DCAF6: variants seen among roughly 807,000 people sequenced by gnomAD.
DCAF6 encodes DDB1 and CUL4 associated factor 6, also known as DDB1- and CUL4-associated factor 6.
In DCAF6, 54 loss-of-function variants were observed where a neutral mutation model predicts 125.1. The observed-to-expected ratio is 0.43, with a 90% confidence interval of 0.35 to 0.54. DCAF6 has a LOEUF of 0.54. DCAF6 is among the 20% of genes least tolerant of loss of function. The probability of loss-of-function intolerance (pLI) is 0.01; values close to 1 mark genes in which losing one functional copy is unlikely to be tolerated. For missense variants in DCAF6, 934 were observed against 1,161.7 expected, an observed-to-expected ratio of 0.80 and a Z score of 2.85; for synonymous variants, 371 against 390.4, an observed-to-expected ratio of 0.95 and a Z score of 0.58.
chr1:167,868,288 G>T, the DCAF6 span, among the ~76,000 whole-genome samples: 2 of 152,134 alleles, frequency 1.3e-5, no homozygotes, highest in Non-Finnish European at 2.9e-5. Context: ...AGTGCCTACA[G>T]ACCCAGTTCC....
the DCAF6 span, among the ~76,000 whole-genome samples, chr1:167,886,031 C>A: frequency 2.2e-4 from 33 of 152,244 alleles, no homozygotes; most frequent in African/African-American, 7.2e-4. Flanking sequence ...CAAACCACTG[C>A]TCAACGAAGT....
chr1:168,043,372 T>C (rs1325076603), intron 14 of DCAF6, among the ~76,000 whole-genome samples: 52 of 152,120 alleles, frequency 3.4e-4, no homozygotes, highest in Admixed American at 3.4e-3. Context: ...GTGGCCAGGA[T>C]AGTTGTTCAT....
chr1:167,911,317 C>T, the DCAF6 span, among the ~76,000 whole-genome samples: 1 of 152,228 alleles, frequency 6.6e-6, no homozygotes, highest in East Asian at 1.9e-4. Context: ...CCTGTGCTAA[C>T]ATTCTTAAAT....
intron 1 of DCAF6, among the ~76,000 whole-genome samples, chr1:167,945,722 G>T (rs1210362910): frequency 6.6e-6 from 1 of 151,424 alleles, no homozygotes; most frequent in African/African-American, 2.4e-5. Flanking sequence ...GGATGGTCTC[G>T]ATCTCTTGAC....
Position 167,964,423 on chromosome 1 carries a change from T to C in DCAF6, c.160-2206T>C, listed in dbSNP as rs143749667. Among the ~76,000 whole-genome samples, 585 of 152,352 alleles carry C rather than the reference T, an allele frequency of 3.8e-3. 3 individuals are homozygous for C. The highest frequency in any genetic ancestry group is 0.013 in the African/African-American group (548 of 41,584). Reference sequence around the variant, plus strand: ...GAGGAGATGTTGGATGTAATTCTTATCTTTGCTCCTCTATAGATAATGTTT... The same window carrying C: ...GAGGAGATGTTGGATGTAATTCTTACCTTTGCTCCTCTATAGATAATGTTT... On this transcript the variant is annotated intron_variant, in intron 2 of 21. Coordinates refer to ENST00000367840, the MANE Select transcript of DCAF6 (RefSeq NM_001198956.2).
At chr1:168,034,249 C>T (rs1178208057) in intron 12 of DCAF6, among the ~76,000 whole-genome samples, 6 of 152,062 alleles carry the variant, frequency 3.9e-5, no homozygotes, top group African/African-American at 1.4e-4. Flanking sequence ...GCACAGTGGC[C>T]CATACCTGTA....
chr1:167,880,353 C>T, the DCAF6 span: 58 of 954,376 alleles, frequency 6.1e-5, no homozygotes, highest in Non-Finnish European at 8.1e-5. Flanking sequence ...CCCGGAGATG[C>T]GAAGGAGGAA....
At chr1:167,992,758 A>T (rs1214537611) in intron 6 of DCAF6, among the ~76,000 whole-genome samples, 1 of 152,246 alleles carries the variant, frequency 6.6e-6, no homozygotes, top group Non-Finnish European at 1.5e-5. Flanking sequence ...TCTGTACTAT[A>T]TAACAGGCAA....
intron 12 of DCAF6, among the ~76,000 whole-genome samples, chr1:168,033,955 A>G (rs1237614556): frequency 6.6e-6 from 1 of 152,252 alleles, no homozygotes; most frequent in Non-Finnish European, 1.5e-5. Flanking sequence ...TAATGTTTTT[A>G]GAGGAAGAAA....
chr1:168,060,391 G>T (rs1691441574), intron 17 of DCAF6, among the ~76,000 whole-genome samples: 1 of 151,986 alleles, frequency 6.6e-6, no homozygotes, highest in Admixed American at 6.6e-5. Context: ...TTACTGTGTT[G>T]CCCAGGCTGG....
chr1:167,999,202 T>G (rs1040809922), intron 7 of DCAF6, among the ~76,000 whole-genome samples: 1 of 152,206 alleles, frequency 6.6e-6, no homozygotes, highest in Non-Finnish European at 1.5e-5. Flanking sequence ...AATCTTTTTT[T>G]CTGAGCAGTA....
At chr1:168,073,243 G>A (rs1372482850) in intron 21 of DCAF6, among the ~76,000 whole-genome samples, 1 of 152,146 alleles carries the variant, frequency 6.6e-6, no homozygotes, top group Non-Finnish European at 1.5e-5. Flanking sequence ...TTTTATTTAA[G>A]AGAACACACT....
At chr1:168,056,369 C>A (rs1690810871) in intron 17 of DCAF6, 4 of 1,538,448 alleles carry the variant, frequency 2.6e-6, no homozygotes, top group Non-Finnish European at 3.5e-6. Context: ...GTGACGGGAC[C>A]GCGCGCAGGG....
chr1:168,054,977 C>T (rs1052214516), intron 17 of DCAF6, among the ~76,000 whole-genome samples: 5 of 151,902 alleles, frequency 3.3e-5, no homozygotes, highest in Non-Finnish European at 7.4e-5. Context: ...CCACCATGCC[C>T]GGCTAGTTTT....
At chr1:167,936,619 T>TCGCCTC (rs1331845422), upstream of DCAF6, 16 of 362,788 alleles carry the variant, frequency 4.4e-5, no homozygotes, top group Admixed American at 3.8e-4. Context: ...GGAGTCGCCA[T>TCGCCTC]CGCCTCCGCC....
intron 3 of DCAF6, among the ~76,000 whole-genome samples, chr1:167,970,658 G>A (rs761602453): frequency 6.6e-6 from 1 of 152,040 alleles, no homozygotes; most frequent in Non-Finnish European, 1.5e-5. Context: ...AGCCTTTATA[G>A]GGCTTTTTAA....
intron 3 of DCAF6, among the ~76,000 whole-genome samples, chr1:167,974,191 T>C (rs1272757167): frequency 1.3e-5 from 2 of 152,164 alleles, no homozygotes; most frequent in African/African-American, 4.8e-5. Context: ...ATGTATACTG[T>C]CTGTTCTGGT....
chr1:168,008,896 CCT>C (rs923580575), intron 10 of DCAF6, among the ~76,000 whole-genome samples: 5 of 133,294 alleles, frequency 3.8e-5, no homozygotes, highest in African/African-American at 8.2e-5. Context: ...TCCCCTCCCC[CCT>C]CCCTCCCTCC....
chr1:167,870,324 A>G, the DCAF6 span: 5 of 1,614,008 alleles, frequency 3.1e-6, no homozygotes, highest in East Asian at 4.5e-5. Context: ...TATCCTGGTA[A>G]TCCCTCATAC....
Sources: allele counts gnomAD v4.1 joint callset (sites outside exome capture counted in the v4.1 genomes callset), GRCh38; gene constraint gnomAD v4.1.1; transcripts MANE v1.5; gene names NCBI Gene and HGNC (gene_info 2026-07-23, HGNC 2026-07-21).